Variants in DAPK1 observed in about 807,000 individuals in gnomAD.
DAPK1 encodes death associated protein kinase 1.
Under a neutral mutation model 144.9 loss-of-function variants are expected in DAPK1, and 56 were observed. That is an observed-to-expected ratio of 0.39 (90% CI 0.31 to 0.48). The LOEUF is 0.48. Ranked by LOEUF, DAPK1 falls within the 20% of genes least tolerant of loss-of-function variation. The pLI is 0.95. For missense variants in DAPK1, 1,454 were observed against 1,875.4 expected, an observed-to-expected ratio of 0.78 and a Z score of 4.15; for synonymous variants, 690 against 749.0, an observed-to-expected ratio of 0.92 and a Z score of 1.29.
intron 2 of DAPK1, among the ~76,000 whole-genome samples, chr9:87,577,075 A>C (rs1001318651): frequency 6.6e-6 from 1 of 152,140 alleles, no homozygotes; most frequent in Non-Finnish European, 1.5e-5. Flanking sequence ...TGTTTGGGGA[A>C]GAGATAATAT....
intron 2 of DAPK1, among the ~76,000 whole-genome samples, chr9:87,582,061 G>GT (rs1037878720): frequency 6.6e-6 from 1 of 152,058 alleles, no homozygotes; most frequent in Non-Finnish European, 1.5e-5. Flanking sequence ...TCAACTTTAT[G>GT]TTTTTTAACA....
At chr9:87,548,150 A>G (rs1826330262) in intron 2 of DAPK1, among the ~76,000 whole-genome samples, 1 of 152,222 alleles carries the variant, frequency 6.6e-6, no homozygotes, top group Admixed American at 6.5e-5. Flanking sequence ...GAGGTCACAC[A>G]GCCAGCAAAT....
intron 7 of DAPK1, 52 bp downstream of exon 7, chr9:87,639,867 G>A (rs1587799046): frequency 1.3e-6 from 2 of 1,588,324 alleles, no homozygotes; most frequent in Non-Finnish European, 1.7e-6. Context: ...TGAGACCATA[G>A]GTTTAATTAA....
At chr9:87,613,561 T>C (rs1389763025) in intron 3 of DAPK1, among the ~76,000 whole-genome samples, 1 of 152,242 alleles carries the variant, frequency 6.6e-6, no homozygotes, top group Non-Finnish European at 1.5e-5. Context: ...TGTTTTTCAT[T>C]GTATGTCAGC....
chr9:87,647,450 T>C (rs948750679), intron 14 of DAPK1, 47 bp downstream of exon 14: 2 of 1,501,420 alleles, frequency 1.3e-6, no homozygotes, highest in Non-Finnish European at 1.9e-6. Context: ...AGTAAATGGA[T>C]GCATGTGAGT....
At chr9:87,664,661 G>GAATT (rs1564057747) in intron 18 of DAPK1, among the ~76,000 whole-genome samples, 1 of 152,192 alleles carries the variant, frequency 6.6e-6, no homozygotes, top group African/African-American at 2.4e-5. Context: ...GAATCACTGG[G>GAATT]AATTCATTGC....
intron 2 of DAPK1, among the ~76,000 whole-genome samples, chr9:87,603,278 G>A (rs2118950733): frequency 6.6e-6 from 1 of 152,240 alleles, no homozygotes; most frequent in Middle Eastern, 3.4e-3. Flanking sequence ...CACAATAGAG[G>A]GAAGGTTTTT....
chr9:87,585,729 C>A (rs991759039), intron 2 of DAPK1, among the ~76,000 whole-genome samples: 1 of 152,158 alleles, frequency 6.6e-6, no homozygotes, highest in Non-Finnish European at 1.5e-5. Context: ...TAAAATTAGC[C>A]TAAAGCTGTG....
chr9:87,530,672 A>G (rs1416199262), intron 2 of DAPK1, among the ~76,000 whole-genome samples: 1 of 152,040 alleles, frequency 6.6e-6, no homozygotes, highest in East Asian at 1.9e-4. Context: ...TAATTTTTAA[A>G]CCCCACCATC....
chr9:87,643,509 T>A, intron 11 of DAPK1, 41 bp downstream of exon 11: 1 of 1,243,232 alleles, frequency 8.0e-7, no homozygotes, highest in Non-Finnish European at 1.2e-6. Context: ...TTCTTAGCAC[T>A]GGGTACTCAG....
intron 8 of DAPK1, 54 bp downstream of exon 8, chr9:87,640,504 G>A (rs1317975074): frequency 6.3e-7 from 1 of 1,580,578 alleles, no homozygotes; most frequent in South Asian, 1.2e-5. Flanking sequence ...CCAGCCCAGA[G>A]CCTGTGTCTG....
intron 2 of DAPK1, among the ~76,000 whole-genome samples, chr9:87,581,363 T>G (rs1175998589): frequency 6.6e-6 from 1 of 152,128 alleles, no homozygotes; most frequent in Non-Finnish European, 1.5e-5. Flanking sequence ...AAAGTCTCTT[T>G]GTAGGCAAAT....
intron 3 of DAPK1, chr9:87,632,155 T>C: frequency 1.3e-6 from 1 of 797,556 alleles, no homozygotes; most frequent in Non-Finnish European, 1.5e-6. Context: ...TGGGTATGTA[T>C]GTATGTAGAG....
chr9:87,604,735 A>G (rs902994131), intron 2 of DAPK1, among the ~76,000 whole-genome samples: 6 of 152,220 alleles, frequency 3.9e-5, no homozygotes, highest in African/African-American at 1.2e-4. Context: ...TCAATAAAAT[A>G]TACTTTAAAA....
At chr9:87,513,428 G>A (rs1824926507) in intron 2 of DAPK1, among the ~76,000 whole-genome samples, 1 of 152,196 alleles carries the variant, frequency 6.6e-6, no homozygotes, top group Admixed American at 6.5e-5. Flanking sequence ...TCAGATTCTT[G>A]TGGACGACGT....
chr9:87,633,468 T>C, intron 3 of DAPK1: 1 of 817,440 alleles, frequency 1.2e-6, no homozygotes, highest in Non-Finnish European at 1.5e-6. Flanking sequence ...AAGGACTTGG[T>C]TGCCTGGACA....
chr9:87,604,782 G>T (rs1828652590), intron 2 of DAPK1, among the ~76,000 whole-genome samples, 172 bp from the exon 3 acceptor site: 1 of 152,130 alleles, frequency 6.6e-6, no homozygotes, highest in Non-Finnish European at 1.5e-5. Flanking sequence ...TAAAGAAACA[G>T]GCTTAGTGTA....
chr9:87,520,763 A>G (rs1825266813), intron 2 of DAPK1, among the ~76,000 whole-genome samples: 1 of 152,224 alleles, frequency 6.6e-6, no homozygotes, highest in South Asian at 2.1e-4. Flanking sequence ...GTGTGTGTAT[A>G]CATACATACC....
At position 87,592,275 on chromosome 9, in the gene DAPK1, C is replaced by A. The variant is rs1426415688; in HGVS notation, c.63-12679C>A. 2.0e-5 allele frequency among the ~76,000 whole-genome samples: 3 copies of A among 152,242 alleles called. No homozygotes were observed. The East Asian group carries it at 5.8e-4, about 29-fold the overall frequency. ...AGAGGAAGGGCTTCCCACCCAACCA[C>A]AGCATGGGCTGTAGGAGAGGTCATT... On this transcript the variant is annotated intron_variant, in intron 2 of 25. Coordinates refer to ENST00000408954, the MANE Select transcript of DAPK1 (RefSeq NM_004938.4).
Sources: gnomAD v4.1 joint callset for allele counts (sites outside exome capture counted in the v4.1 genomes callset) on GRCh38, gnomAD v4.1.1 for gene constraint, MANE v1.5 for transcripts, NCBI Gene and HGNC (gene_info 2026-07-23, HGNC 2026-07-21) for gene names.